Variants in MYO1D observed in about 807,000 individuals in gnomAD.
The protein encoded by MYO1D is unconventional myosin-Id.
MYO1D carries 83 observed loss-of-function variants against 122.0 expected under a neutral mutation model. The observed-to-expected ratio is 0.68, with a 90% CI of 0.57 to 0.82. MYO1D has a LOEUF of 0.82. MYO1D is among the 40% of genes least tolerant of loss of function. MYO1D has a pLI of 0.00. For synonymous variants in MYO1D, 464 were observed against 446.9 expected (o/e 1.04, Z -0.48); for missense variants, 1,157 against 1,269.5 (o/e 0.91, Z 1.35).
intron 20 of MYO1D, among the ~76,000 whole-genome samples, chr17:32,622,566 C>A (rs898486180): frequency 3.3e-5 from 5 of 152,114 alleles, no homozygotes; most frequent in African/African-American, 1.2e-4. Flanking sequence ...TCATTCTGAA[C>A]AAGCCTTTTA....
rs527792629 is a variant in MYO1D at position 32,870,434 on chromosome 17, C to T, written c.95+6344G>A. 1.6e-3 allele frequency among the ~76,000 whole-genome samples: 244 copies of T among 151,912 alleles called. 1 individual carries two copies. Among genetic ancestry groups the T allele is most frequent in the South Asian group, 0.012 (56 of 4,790 alleles). On this transcript the variant is annotated intron_variant, in intron 1 of 21. Coordinates refer to ENST00000318217, the MANE Select transcript of MYO1D (RefSeq NM_015194.3). ...GGCAAGCAAGAGACACCCTTTGTCC[C>T]ACCAAATTTTCCAAATGACCAAACA...
At chr17:32,514,791 G>A (rs938046493) in intron 21 of MYO1D, among the ~76,000 whole-genome samples, 2 of 152,346 alleles carry the variant, frequency 1.3e-5, no homozygotes, top group East Asian at 3.9e-4. Context: ...CCAGCTGGCA[G>A]CAGCAGCAGG....
chr17:32,554,932 G>A (rs1313618132), intron 21 of MYO1D, among the ~76,000 whole-genome samples: 1 of 152,122 alleles, frequency 6.6e-6, no homozygotes, highest in Non-Finnish European at 1.5e-5. Context: ...CTCACACTTG[G>A]CTGGTAGGAG....
intron 1 of MYO1D, among the ~76,000 whole-genome samples, chr17:32,834,227 C>T (rs1248047676): frequency 6.6e-6 from 1 of 152,180 alleles, no homozygotes; most frequent in Non-Finnish European, 1.5e-5. Context: ...CCAGAATTGT[C>T]ATCAAATTAG....
Position 32,638,794 on chromosome 17 carries a change from G to A in MYO1D, c.2637C>T (p.Val879=). Residue 879 remains valine (V), a synonymous_variant, in exon 20 of 22, where the codon GTC becomes GTT. Transcript: ENST00000318217. ...CCATTTTATACAGGTGACGGTCAGTGACAAAAATTGCTCTGTCTTCCACCT... is the reference window on the plus strand; with the variant it reads ...CCATTTTATACAGGTGACGGTCAGTAACAAAAATTGCTCTGTCTTCCACCT... ...FSKVEDRAIF[V]TDRHLYKMDP... is the part of the protein sequence containing the mutation. 6.2e-7 allele frequency: 1 copy of A among 1,613,856 alleles called. No homozygotes were observed. The highest frequency in any genetic ancestry group is 8.5e-7 in the Non-Finnish European group (1 of 1,179,866).
intron 14 of MYO1D, among the ~76,000 whole-genome samples, chr17:32,730,994 C>T (rs1215816223): frequency 6.6e-6 from 1 of 151,240 alleles, no homozygotes; most frequent in Non-Finnish European, 1.5e-5. Context: ...GCAACCTCTG[C>T]CTCCCGGGTT....
chr17:32,806,521 C>T (rs767870792), intron 1 of MYO1D, among the ~76,000 whole-genome samples: 7 of 152,014 alleles, frequency 4.6e-5, no homozygotes, highest in East Asian at 1.9e-4. Flanking sequence ...CATGCCAGCA[C>T]GCCCAGCTGA....
At chr17:32,781,795 TTA>T (rs1401877520) in intron 1 of MYO1D, among the ~76,000 whole-genome samples, 1 of 151,908 alleles carries the variant, frequency 6.6e-6, no homozygotes, top group Admixed American at 6.6e-5. Flanking sequence ...TTGTGCAACT[TTA>T]TGTGTCTATT....
chr17:32,512,558 C>T (rs183927756), intron 21 of MYO1D, among the ~76,000 whole-genome samples: 25 of 141,584 alleles, frequency 1.8e-4, no homozygotes, highest in East Asian at 5.8e-4. Flanking sequence ...CCTGGCTTTG[C>T]GTGGCTTTGC....
intron 11 of MYO1D, among the ~76,000 whole-genome samples, chr17:32,750,169 G>C (rs1334406765): frequency 1.3e-5 from 2 of 152,178 alleles, no homozygotes; most frequent in Non-Finnish European, 2.9e-5. Context: ...ATAGTTTATG[G>C]GAAGGCAGTT....
At chr17:32,772,365 T>C (rs2090122960) in intron 5 of MYO1D, among the ~76,000 whole-genome samples, 1 of 152,224 alleles carries the variant, frequency 6.6e-6, no homozygotes, top group Non-Finnish European at 1.5e-5. Context: ...CATATTGCTT[T>C]TAGTGTGTAT....
intron 14 of MYO1D, among the ~76,000 whole-genome samples, chr17:32,731,952 G>A (rs73281810): frequency 1.1e-3 from 165 of 152,334 alleles, no homozygotes; most frequent in African/African-American, 3.7e-3. Context: ...TGCTCCCAAC[G>A]TCTGGCCTCT....
intron 21 of MYO1D, among the ~76,000 whole-genome samples, chr17:32,547,605 T>C (rs2086975178): frequency 6.6e-6 from 1 of 152,234 alleles, no homozygotes; most frequent in Admixed American, 6.5e-5. Context: ...TTCTGCAGCA[T>C]CCCAAGTGAT....
intron 1 of MYO1D, among the ~76,000 whole-genome samples, chr17:32,793,729 AGGGTG>A (rs1283440962): frequency 6.6e-6 from 1 of 152,236 alleles, no homozygotes; most frequent in Non-Finnish European, 1.5e-5. Flanking sequence ...AGCAGAGGAA[AGGGTG>A]TATTGATTAA....
At chr17:32,611,582 T>G (rs2087702785) in intron 20 of MYO1D, among the ~76,000 whole-genome samples, 1 of 152,258 alleles carries the variant, frequency 6.6e-6, no homozygotes, top group African/African-American at 2.4e-5. Context: ...CTTACACCAG[T>G]AACCTCGACA....
chr17:32,842,163 C>T (rs962556699), intron 1 of MYO1D, among the ~76,000 whole-genome samples: 2 of 152,010 alleles, frequency 1.3e-5, no homozygotes, highest in Non-Finnish European at 1.5e-5. Context: ...TGCCAGGTGA[C>T]GGTCCCTGAA....
chr17:32,620,828 G>A (rs540102813), intron 20 of MYO1D, among the ~76,000 whole-genome samples: 1 of 152,238 alleles, frequency 6.6e-6, no homozygotes, highest in African/African-American at 2.4e-5. Flanking sequence ...AACATCACAG[G>A]CTGGAGCACA....
At chr17:32,804,509 C>T (rs772320668) in intron 1 of MYO1D, among the ~76,000 whole-genome samples, 2 of 152,192 alleles carry the variant, frequency 1.3e-5, no homozygotes, top group Non-Finnish European at 2.9e-5. Flanking sequence ...CTTTTCTTGA[C>T]ACCTCTAGCC....
At chr17:32,802,163 T>C (rs2090466531) in intron 1 of MYO1D, among the ~76,000 whole-genome samples, 1 of 152,184 alleles carries the variant, frequency 6.6e-6, no homozygotes, top group Non-Finnish European at 1.5e-5. Context: ...ACAGCTCAAG[T>C]CTGTGCTCTT....
Sources: gnomAD v4.1 joint callset for allele counts (sites outside exome capture counted in the v4.1 genomes callset) on GRCh38, gnomAD v4.1.1 for gene constraint, MANE v1.5 for transcripts, NCBI Gene and HGNC (gene_info 2026-07-23, HGNC 2026-07-21) for gene names.